The following PRKCG variants were observed in gnomAD, a reference collection of about 807,000 sequenced individuals.
PRKCG encodes protein kinase C gamma.
Under a neutral mutation model 82.0 loss-of-function variants are expected in PRKCG, and 28 were observed. The ratio of observed to expected loss-of-function variants is 0.34; its 90% CI spans 0.25 to 0.47. PRKCG has a LOEUF of 0.47. PRKCG is among the 20% of genes least tolerant of loss of function. PRKCG has a pLI of 1.00. For synonymous variants in PRKCG, 383 were observed against 376.6 expected, an observed-to-expected ratio of 1.02 and a Z score of -0.20; for missense variants, 640 against 952.7, an observed-to-expected ratio of 0.67 and a Z score of 4.32.
At chr19:53,905,024 G>A (rs1452030389) in intron 16 of PRKCG, among the ~76,000 whole-genome samples, 1 of 152,134 alleles carries the variant, frequency 6.6e-6, no homozygotes, top group East Asian at 1.9e-4. Context: ...GTCTAGAACT[G>A]GGTGGGTCAG....
At chr19:53,897,862 A>G in intron 9 of PRKCG, 97 bp from the exon 10 acceptor site, 1 of 1,564,534 alleles carries the variant, frequency 6.4e-7, no homozygotes, top group Non-Finnish European at 8.8e-7. Flanking sequence ...AGCGATTCTC[A>G]TCCTTTCCTT....
chr19:53,898,756 CGGATTGTCTCCT>C, intron 11 of PRKCG, 128 bp downstream of exon 11: 1 of 228,110 alleles, frequency 4.4e-6, no homozygotes, highest in South Asian at 4.2e-5. Context: ...CGAGGCCAGG[CGGATTGTCTCCT>C]CAGGGGGCGT....
chr19:53,898,737 C>G (rs2123010853), intron 11 of PRKCG, 109 bp downstream of exon 11: 1 of 705,610 alleles, frequency 1.4e-6, no homozygotes, highest in African/African-American at 2.5e-5. Flanking sequence ...TTTGTGCTCT[C>G]TGAGTGGGCG....
chr19:53,893,518 T>C, intron 9 of PRKCG, 127 bp downstream of exon 9: 1 of 1,039,826 alleles, frequency 9.6e-7, no homozygotes. Context: ...TAGGCCTGTC[T>C]TGTGCTTGCT....
chr19:53,901,861 A>G (rs982489861), intron 14 of PRKCG, among the ~76,000 whole-genome samples: 24 of 151,812 alleles, frequency 1.6e-4, no homozygotes, highest in South Asian at 4.2e-4. Flanking sequence ...AAAAAAAAAA[A>G]AAAAAGAAAA....
At position 53,889,155 on chromosome 19, in the gene PRKCG, G is replaced by A. The variant is rs1237496930; in HGVS notation, c.286-483G>A. Among the ~76,000 whole-genome samples, 2 of 152,012 alleles carry A rather than the reference G, an allele frequency of 1.3e-5. No individual in the cohort carries two copies. The highest frequency in any genetic ancestry group is 1.9e-4 in the East Asian group (1 of 5,186). On this transcript the variant is annotated intron_variant, in intron 3 of 17. Transcript: ENST00000263431. The surrounding 1 kb of genome is among the most constrained non-coding windows in gnomAD (Gnocchi z 4.4). ...TTTAGTAGAGACAGAGTTTTGCCATGTTGCCTAGCCTGGTCCGGAACTCCT... is the reference window on the plus strand; with the variant it reads ...TTTAGTAGAGACAGAGTTTTGCCATATTGCCTAGCCTGGTCCGGAACTCCT...
Position 53,884,327 on chromosome 19 carries a change from A to G in PRKCG, c.285+84A>G. 1 of 1,293,662 alleles carries G rather than the reference A, an allele frequency of 7.7e-7. No individual in the cohort carries two copies. Among genetic ancestry groups the G allele is most frequent in the Non-Finnish European group, 1.1e-6 (1 of 893,810 alleles). The allele number at this position is 1,293,662 out of a possible 1,614,324, so 80.1% of individuals were successfully genotyped here. ...GGCGTCCGTCCCAATTTCTCCTGCTATTTTTATGGCTGGGAGGGGAGGGGG... is the reference window on the plus strand; with the variant it reads ...GGCGTCCGTCCCAATTTCTCCTGCTGTTTTTATGGCTGGGAGGGGAGGGGG... On this transcript the variant is annotated intron_variant, in intron 3 of 17. Transcript: ENST00000263431. This position sits in a 1 kb window ranked among gnomAD's most constrained non-coding sequence, Gnocchi z 4.6.
Position 53,906,792 on chromosome 19 carries a change from G to T in PRKCG, c.1991G>T (p.Ser664Ile), listed in dbSNP as rs778052415. 6.2e-7 allele frequency: 1 copy of T among 1,613,716 alleles called. No individual in the cohort carries two copies. Among genetic ancestry groups the T allele is most frequent in the South Asian group, 1.1e-5 (1 of 91,078 alleles). ...LTPPDRLVLA[S>I]IDQADFQGFT... Reference sequence around the variant, plus strand: ...CCTCCAGACCGCCTAGTCCTGGCCAGCATCGACCAGGCCGATTTCCAGGGC... The same window carrying T: ...CCTCCAGACCGCCTAGTCCTGGCCATCATCGACCAGGCCGATTTCCAGGGC... Residue 664 changes from serine to isoleucine, a missense_variant, in exon 18 of 18, where the codon AGC becomes ATC. Physicochemically the swap from Ser to Ile is moderately radical, Grantham distance 142 (BLOSUM62 -2). This residue lies in a region of PRKCG where 198 missense variants were observed against 273.4 expected (regional missense o/e 0.72). Coordinates refer to ENST00000263431, the MANE Select transcript of PRKCG (RefSeq NM_002739.5).
At chr19:53,902,568 G>T (rs1185388517) in intron 14 of PRKCG, among the ~76,000 whole-genome samples, 4 of 152,038 alleles carry the variant, frequency 2.6e-5, no homozygotes, top group African/African-American at 4.8e-5. Context: ...TTTGTTTCCA[G>T]AATATTCCAA....
intron 3 of PRKCG, among the ~76,000 whole-genome samples, chr19:53,888,101 G>C (rs1394967395): frequency 1.3e-5 from 2 of 152,202 alleles, no homozygotes; most frequent in East Asian, 3.9e-4. Context: ...TGGATGGTTT[G>C]TGTGTCAGGC....
At chr19:53,885,578 G>T (rs1182018161) in intron 3 of PRKCG, among the ~76,000 whole-genome samples, 2 of 152,106 alleles carry the variant, frequency 1.3e-5, no homozygotes, top group Non-Finnish European at 2.9e-5. Flanking sequence ...GCCACCAAAT[G>T]GGACAGCACA....
Position 53,900,641 on chromosome 19 carries a change from T to C in PRKCG, c.1467T>C (p.Asp489=). The change falls in exon 14 of 18, where the codon GAT becomes GAC. Residue 489 remains aspartate, a synonymous_variant. Transcript: ENST00000263431. The surrounding 1 kb of genome is among the most constrained non-coding windows in gnomAD (Gnocchi z 4.2). ...RDLKLDNVML[D]AEGHIKITDF... ...TGAAGCTGGACAATGTGATGCTGGA[T>C]GCTGAGGGACACATCAAGATCACTG... 1 of 1,614,240 alleles carries C rather than the reference T, an allele frequency of 6.2e-7. No individual in the cohort carries two copies. The highest frequency in any genetic ancestry group is 8.5e-7 in the Non-Finnish European group (1 of 1,180,040).
chr19:53,884,393 C>A lies in PRKCG; in HGVS notation c.285+150C>A. On this transcript the variant is annotated intron_variant, in intron 3 of 17. Transcript: ENST00000263431. This position sits in a 1 kb window ranked among gnomAD's most constrained non-coding sequence, Gnocchi z 4.6. Reference sequence around the variant, plus strand: ...GGAGCTATCTGGCCCAGATTCCTTGCCCTTGGCCTGGAAAGGGGGAATGCG... The same window carrying A: ...GGAGCTATCTGGCCCAGATTCCTTGACCTTGGCCTGGAAAGGGGGAATGCG... 1 of 819,478 alleles carries A rather than the reference C, an allele frequency of 1.2e-6. No homozygotes were observed. The highest frequency in any genetic ancestry group is 2.0e-6 in the Non-Finnish European group (1 of 492,572). The allele number at this position is 819,478 out of a possible 1,614,324, so 50.8% of individuals were successfully genotyped here. A position where few individuals can be genotyped will look rare whatever the true frequency, so the allele number is the denominator to read the frequency against.
rs573109372 is a variant in PRKCG at position 53,901,060 on chromosome 19, C to T, written c.1575+311C>T. Among the ~76,000 whole-genome samples the T allele has an allele frequency of 4.8e-4, 73 of 152,284 alleles. 1 individual carries two copies. The highest frequency in any genetic ancestry group is 1.6e-3 in the African/African-American group (67 of 41,568). On this transcript the variant is annotated intron_variant, in intron 14 of 17. Transcript: ENST00000263431. The stretch of plus-strand genomic sequence containing the variant: ...CTGGATCCTTCTGAGAAGGGGCAGA[C>T]GATTTCTAGTGTACTCTGAGTGGGT...
rs2068656652 is a variant in PRKCG at position 53,889,642 on chromosome 19, C to G, written c.290C>G (p.Pro97Arg). 6.2e-7 allele frequency: 1 copy of G among 1,613,998 alleles called. No individual in the cohort carries two copies. The highest frequency in any genetic ancestry group is 8.5e-7 in the Non-Finnish European group (1 of 1,179,940). The change falls in exon 4 of 18, where the codon CCC (proline) becomes CGC (arginine). Residue 97 changes from proline to arginine, a missense_variant. Transcript: ENST00000263431. The surrounding 1 kb of genome is among the most constrained non-coding windows in gnomAD (Gnocchi z 4.4). ...GCCAGTCTTCTCTGCCCCCAGGACC[C>G]CCGGAACAAACACAAGTTCCGCCTG... Reference protein sequence around the residue: ...GAGKGPQTDDPRNKHKFRLHS... With the variant: ...GAGKGPQTDDRRNKHKFRLHS...
chr19:53,890,999 G>A (rs1175264965), intron 5 of PRKCG, among the ~76,000 whole-genome samples: 6 of 152,100 alleles, frequency 3.9e-5, no homozygotes, highest in Non-Finnish European at 7.4e-5. Flanking sequence ...TGATCCGCCC[G>A]CCTCCGCCTC....
chr19:53,892,851 CTCTTTT>C lies in PRKCG; in HGVS notation c.822-135_822-130del. 1.9e-6 allele frequency: 2 copies of C among 1,055,788 alleles called. No individual in the cohort carries two copies. The highest frequency in any genetic ancestry group is 1.4e-6 in the Non-Finnish European group (1 of 706,786). 65.4% of individuals were successfully genotyped at this position (1,055,788 alleles called of 1,614,324 possible). On this transcript the variant is annotated intron_variant, in intron 7 of 17. Coordinates refer to ENST00000263431, the MANE Select transcript of PRKCG (RefSeq NM_002739.5). The surrounding 1 kb of genome is among the most constrained non-coding windows in gnomAD (Gnocchi z 5.9). ...CTCCCCTCCCTTTCTCCCTCTCCCT[CTCTTTT>C]TATCTCACTCTTTCTCTCTTCCATC...
chr19:53,889,845 G>A lies in PRKCG; in HGVS notation c.398-41G>A. 6.4e-7 allele frequency: 1 copy of A among 1,570,030 alleles called. No homozygotes were observed. Among genetic ancestry groups the A allele is most frequent in the South Asian group, 1.2e-5 (1 of 86,000 alleles). On this transcript the variant is annotated intron_variant, in intron 4 of 17. Transcript: ENST00000263431. This position sits in a 1 kb window ranked among gnomAD's most constrained non-coding sequence, Gnocchi z 4.4. ...GGGTGGGGGGTGGAGTCTTGGCTTG[G>A]GGGCGGGGCCTGAGGTGCTACCCGC...
In PRKCG at chr19:53,889,187, A is replaced by G. The variant is rs1487567933; in HGVS notation, c.286-451A>G. The stretch of plus-strand genomic sequence containing the variant: ...AGCCTGGTCCGGAACTCCTGAGCTC[A>G]AGGCAATCCGCCCACCTCGGCCTCC... On this transcript the variant is annotated intron_variant, in intron 3 of 17. Transcript: ENST00000263431. This position sits in a 1 kb window ranked among gnomAD's most constrained non-coding sequence, Gnocchi z 4.4. Among the ~76,000 whole-genome samples the G allele has an allele frequency of 6.6e-6, 1 of 152,118 alleles. No homozygotes were observed. The highest frequency in any genetic ancestry group is 2.1e-4 in the South Asian group (1 of 4,810).
Sources: allele counts gnomAD v4.1 joint callset (sites outside exome capture counted in the v4.1 genomes callset), GRCh38; gene constraint gnomAD v4.1.1; regional missense constraint gnomAD v4.1.1; non-coding constraint Gnocchi (gnomAD v3.1); transcripts MANE v1.5; gene names NCBI Gene and HGNC (gene_info 2026-07-23, HGNC 2026-07-21).